The following PCDHA9 variants were observed in gnomAD, a reference collection of about 807,000 sequenced individuals.
The protein encoded by PCDHA9 is protocadherin alpha 9.
A neutral mutation model predicts 62.0 loss-of-function variants in PCDHA9; 62 were observed. The ratio of observed to expected loss-of-function variants is 1.00; its 90% CI spans 0.81 to 1.23. The LOEUF (loss-of-function observed/expected upper bound fraction) is 1.23. Ranked by LOEUF, PCDHA9 falls within the 50% of genes most tolerant of loss-of-function variation. The pLI, the probability that PCDHA9 is intolerant of heterozygous loss-of-function variation, is 0.00. For synonymous variants in PCDHA9, 557 were observed against 567.6 expected (o/e 0.98, Z 0.27); for missense variants, 1,205 against 1,249.8 (o/e 0.96, Z 0.54).
intron 1 of PCDHA9, among the ~76,000 whole-genome samples, chr5:140,947,310 A>G (rs1554218156): frequency 6.6e-6 from 1 of 151,620 alleles, no homozygotes; most frequent in Admixed American, 6.6e-5. Flanking sequence ...ATCTTTGTAA[A>G]AAGTCGGTTG....
intron 1 of PCDHA9, chr5:140,868,367 A>T (rs1172492575): frequency 1.3e-5 from 2 of 152,208 alleles, no homozygotes; most frequent in African/African-American, 4.8e-5. Context: ...AAATGTAAAT[A>T]ACAGTAAAGA....
chr5:140,860,479 C>T (rs1348082358), intron 1 of PCDHA9: 1 of 152,030 alleles, frequency 6.6e-6, no homozygotes, highest in Non-Finnish European at 1.5e-5. Context: ...TGCAGTAGTA[C>T]TTTATTTAGG....
In PCDHA9 at chr5:140,870,563, C is replaced by G. The variant is rs1333019449; in HGVS notation, c.2394+19674C>G. The G allele has an allele frequency of 6.2e-6, 10 of 1,613,994 alleles. No individual in the cohort carries two copies. Among genetic ancestry groups the G allele is most frequent in the Non-Finnish European group, 8.5e-6 (10 of 1,179,984 alleles). ...CGGGACGCGGACGCGCAGGAGAACG[C>G]GCTGGTGTCCTACTCGCTGGTGGAG... On this transcript the variant is annotated intron_variant, in intron 1 of 3. Transcript: ENST00000532602.
chr5:140,993,661 A>G (rs902592339), intron 3 of PCDHA9, among the ~76,000 whole-genome samples: 1 of 152,182 alleles, frequency 6.6e-6, no homozygotes, highest in African/African-American at 2.4e-5. Flanking sequence ...TTGGTTAACA[A>G]TGGACCACAT....
chr5:140,851,380 C>G, intron 1 of PCDHA9: 1 of 976,622 alleles, frequency 1.0e-6, no homozygotes, highest in Non-Finnish European at 1.2e-6. Context: ...TGTTCAGCAA[C>G]CTTCAGTATC....
chr5:140,966,515 G>A, intron 1 of PCDHA9: 1 of 436,996 alleles, frequency 2.3e-6, no homozygotes, highest in East Asian at 3.5e-5. Context: ...AGCAGCAGCA[G>A]GAAGCCGAGC....
chr5:140,882,873 G>T, intron 1 of PCDHA9: 6 of 1,614,222 alleles, frequency 3.7e-6, no homozygotes, highest in Non-Finnish European at 5.1e-6. Flanking sequence ...ACACTGGACA[G>T]AGAGGAAATT....
Position 140,848,886 on chromosome 5 carries a change from C to G in PCDHA9, c.391C>G (p.Pro131Ala). 1.3e-6 allele frequency: 2 copies of G among 1,591,496 alleles called. No individual in the cohort carries two copies. The highest frequency in any genetic ancestry group is 1.7e-5 in the Admixed American group (1 of 58,800). ...VEVKDINDNP[P>A]VFPATQKNLF... ...GGTGAAGGACATTAACGACAACCCT[C>G]CAGTGTTCCCAGCGACACAAAAGAA... Residue 131 changes from proline (P) to alanine (A), a missense_variant, in exon 1 of 4, where the codon CCA becomes GCA. This residue lies in a region of PCDHA9 where 208 missense variants were observed against 213.2 expected (regional missense o/e 0.98). Transcript: ENST00000532602.
intron 1 of PCDHA9, chr5:140,883,465 C>T: frequency 6.2e-7 from 1 of 1,614,156 alleles, no homozygotes; most frequent in South Asian, 1.1e-5. Context: ...AGCTGGTGTC[C>T]ACCTACAAGA....
At chr5:140,975,847 C>T (rs895067113) in intron 1 of PCDHA9, among the ~76,000 whole-genome samples, 1 of 152,100 alleles carries the variant, frequency 6.6e-6, no homozygotes, top group East Asian at 1.9e-4. Flanking sequence ...TTCAGTAATA[C>T]TACATCACCC....
At chr5:141,006,882 G>A (rs1442637421) in intron 3 of PCDHA9, among the ~76,000 whole-genome samples, 1 of 152,204 alleles carries the variant, frequency 6.6e-6, no homozygotes, top group Non-Finnish European at 1.5e-5. Flanking sequence ...GGAATCAAGA[G>A]TTTGATTTCA....
intron 1 of PCDHA9, chr5:140,875,761 G>A (rs373515339): frequency 1.9e-6 from 3 of 1,614,236 alleles, no homozygotes; most frequent in East Asian, 2.2e-5. Flanking sequence ...GAAGCTGTGC[G>A]GGCGGAGCGC....
intron 1 of PCDHA9, chr5:140,856,728 T>C: frequency 6.3e-7 from 1 of 1,595,848 alleles, no homozygotes. Context: ...TCTGTTTCTC[T>C]GCTGATCCTG....
intron 1 of PCDHA9, among the ~76,000 whole-genome samples, chr5:140,887,610 A>G (rs544288452): frequency 3.2e-4 from 49 of 151,656 alleles, no homozygotes; most frequent in Admixed American, 2.7e-3. Context: ...GTGCTTTAGT[A>G]TGGTTTTCTT....
At chr5:140,913,808 A>T (rs1332519291) in intron 1 of PCDHA9, among the ~76,000 whole-genome samples, 1 of 152,102 alleles carries the variant, frequency 6.6e-6, no homozygotes, top group Non-Finnish European at 1.5e-5. Context: ...TCAAATTTTC[A>T]ATTTCCTTTT....
At chr5:140,969,221 C>A (rs1222433541) in intron 1 of PCDHA9, 1 of 1,614,040 alleles carries the variant, frequency 6.2e-7, no homozygotes, top group African/African-American at 1.3e-5. Context: ...AGGACCAGGG[C>A]CTTCGGGAGC....
At position 140,883,814 on chromosome 5, in the gene PCDHA9, A is replaced by C. The variant is rs782678422; in HGVS notation, c.2394+32925A>C. 6.2e-7 allele frequency: 1 copy of C among 1,612,478 alleles called. No homozygotes were observed. ...CGTGTCGGTGCACGCGGAGAGCGGC[A>C]AGGTGTACGCGCTGCAGCCGTTGGA... On this transcript the variant is annotated intron_variant, in intron 1 of 3. Coordinates refer to ENST00000532602, the MANE Select transcript of PCDHA9 (RefSeq NM_031857.2).
chr5:140,892,413 T>C (rs1554185182), intron 1 of PCDHA9, among the ~76,000 whole-genome samples: 1 of 152,222 alleles, frequency 6.6e-6, no homozygotes, highest in Non-Finnish European at 1.5e-5. Context: ...CTTCAGGTAT[T>C]CTAGATAAAA....
chr5:140,877,023 G>A (rs1554169254), intron 1 of PCDHA9: 2 of 1,612,456 alleles, frequency 1.2e-6, no homozygotes, highest in Non-Finnish European at 1.7e-6. Flanking sequence ...GCGGCAAGGT[G>A]TACGCGCTGC....
Sources: allele counts gnomAD v4.1 joint callset (sites outside exome capture counted in the v4.1 genomes callset), GRCh38; gene constraint gnomAD v4.1.1; regional missense constraint gnomAD v4.1.1; transcripts MANE v1.5; gene names NCBI Gene and HGNC (gene_info 2026-07-23, HGNC 2026-07-21).